Variants in PHC2 observed in about 807,000 individuals in gnomAD.
PHC2 encodes polyhomeotic-like protein 2.
A neutral mutation model predicts 87.4 loss-of-function variants in PHC2; 29 were observed. The observed-to-expected ratio is 0.33, with a 90% CI of 0.25 to 0.45. The LOEUF (loss-of-function observed/expected upper bound fraction) is 0.45, where lower values mean the gene tolerates loss of function less well. Among genes scored for constraint, PHC2 ranks in the 20% least tolerant of loss-of-function variants. The probability of loss-of-function intolerance (pLI) is 1.00; values close to 1 mark genes in which losing one functional copy is unlikely to be tolerated. For synonymous variants in PHC2, 438 were observed against 461.7 expected (o/e 0.95, Z 0.66); for missense variants, 857 against 1,136.7 (o/e 0.75, Z 3.54).
Position 33,329,125 on chromosome 1 carries a change from A to G in PHC2, c.2170T>C (p.Ser724Pro). The G allele has an allele frequency of 6.2e-7, 1 of 1,614,006 alleles. No homozygotes were observed. Among genetic ancestry groups the G allele is most frequent in the East Asian group, 2.2e-5 (1 of 44,882 alleles). ...GTTAGCTGCAAAGCAGCAGTAACCG[A>G]AAGGGGCACAGTGCCTGTTGGCTGG... is the stretch of plus-strand genomic sequence containing the variant. ...KKQPTGTVPLSVTAALQLTHS... is the reference protein window; with the variant it reads ...KKQPTGTVPLPVTAALQLTHS... Residue 724 changes from serine to proline, a missense_variant, in exon 14 of 15, where the codon TCG (serine) becomes CCG (proline). Ser to Pro is a moderately conservative substitution (Grantham distance 74, BLOSUM62 -1). Transcript: ENST00000683057.
At chr1:33,343,647 T>C (rs967910708) in intron 9 of PHC2, among the ~76,000 whole-genome samples, 2 of 152,172 alleles carry the variant, frequency 1.3e-5, no homozygotes, top group African/African-American at 4.8e-5. Context: ...TAGGCTGAGC[T>C]TGGACACAGG....
At chr1:33,348,234 A>C (rs1391650659) in intron 9 of PHC2, among the ~76,000 whole-genome samples, 1 of 152,114 alleles carries the variant, frequency 6.6e-6, no homozygotes, top group Non-Finnish European at 1.5e-5. Context: ...CCTAAATCCT[A>C]ATCAATAGGG....
chr1:33,417,208 A>G (rs1650248626), intron 1 of PHC2, among the ~76,000 whole-genome samples: 1 of 151,498 alleles, frequency 6.6e-6, no homozygotes, highest in South Asian at 2.1e-4. Context: ...AAATGAGGCC[A>G]AAAAAAAGAG....
intron 1 of PHC2, among the ~76,000 whole-genome samples, chr1:33,428,939 T>C (rs1445588447): frequency 1.3e-5 from 2 of 152,194 alleles, no homozygotes; most frequent in Non-Finnish European, 2.9e-5. Context: ...CCTGGACTAC[T>C]TGCCCTGACC....
chr1:33,355,316 A>G (rs1647051397), intron 7 of PHC2, 63 bp from the exon 8 acceptor site: 2 of 1,413,476 alleles, frequency 1.4e-6, no homozygotes, highest in African/African-American at 2.9e-5. Flanking sequence ...GTGTCTTCCA[A>G]CTCTGCCCCT....
At chr1:33,376,349 G>A (rs985635594) in intron 1 of PHC2, among the ~76,000 whole-genome samples, 1 of 152,188 alleles carries the variant, frequency 6.6e-6, no homozygotes, top group African/African-American at 2.4e-5. Context: ...GGGAACTGAG[G>A]TCTTAAGACA....
At chr1:33,427,872 A>G (rs1477767863) in intron 1 of PHC2, among the ~76,000 whole-genome samples, 2 of 152,196 alleles carry the variant, frequency 1.3e-5, no homozygotes, top group Non-Finnish European at 2.9e-5. Flanking sequence ...TTTCTACCAT[A>G]CGGACTCCAT....
chr1:33,427,566 A>G (rs1040750912), intron 1 of PHC2, among the ~76,000 whole-genome samples: 13 of 151,928 alleles, frequency 8.6e-5, no homozygotes, highest in African/African-American at 3.1e-4. Flanking sequence ...GGCTTTTCAT[A>G]TCCCCATGGC....
chr1:33,356,438 G>A lies in PHC2; in HGVS notation c.977-1185C>T, dbSNP rs966043153. ...GGTTTTCCTAGGCAGAGGACCCTGC[G>A]GCCTTCCGCAGTGTTTGTGTCCCTG... On this transcript the variant is annotated intron_variant, in intron 7 of 14. Transcript: ENST00000683057. 9.3e-5 allele frequency among the ~76,000 whole-genome samples: 14 copies of A among 151,050 alleles called. No individual in the cohort carries two copies. In the East Asian group the frequency reaches 1.4e-3, roughly 15 times the overall value.
At chr1:33,394,949 ACATT>A (rs1649234674) in intron 1 of PHC2, among the ~76,000 whole-genome samples, 1 of 152,158 alleles carries the variant, frequency 6.6e-6, no homozygotes, top group African/African-American at 2.4e-5. Flanking sequence ...ATAAAACTAA[ACATT>A]CATCTACCCT....
Position 33,334,633 on chromosome 1 carries a change from AC to A in PHC2, c.1559-342del, listed in dbSNP as rs1646584810. Among the ~76,000 whole-genome samples the A allele has an allele frequency of 1.3e-5, 2 of 152,238 alleles. No homozygotes were observed. Among genetic ancestry groups the A allele is most frequent in the African/African-American group, 4.8e-5 (2 of 41,456 alleles). The stretch of plus-strand genomic sequence containing the variant: ...AAGACCTTGGTCGATACTGATTTGA[AC>A]AAATAAGGTTAATACTCAGTTTGAG... On this transcript the variant is annotated intron_variant, in intron 9 of 14. Coordinates refer to ENST00000683057, the MANE Select transcript of PHC2 (RefSeq NM_001385109.1). This position sits in a 1 kb window ranked among gnomAD's most constrained non-coding sequence, Gnocchi z 5.5.
chr1:33,363,495 C>G (rs1395483937), intron 7 of PHC2, among the ~76,000 whole-genome samples: 1 of 152,180 alleles, frequency 6.6e-6, no homozygotes, highest in Non-Finnish European at 1.5e-5. Context: ...ATTGTCCAGC[C>G]TATCACAGAC....
chr1:33,422,884 A>G (rs1370284644), intron 1 of PHC2, among the ~76,000 whole-genome samples: 19 of 152,016 alleles, frequency 1.2e-4, no homozygotes. Context: ...CTTCCTTCAA[A>G]TATCAATTCT....
In PHC2 at chr1:33,367,313, T is replaced by C. The variant is rs141924903; in HGVS notation, c.779A>G (p.Gln260Arg). ...GCTCTGTGCTGGGGTAGGCAGAGGCTGGCTACCGCCCGGCGTGGGTTTCAG... is the reference window on the plus strand; with the variant it reads ...GCTCTGTGCTGGGGTAGGCAGAGGCCGGCTACCGCCCGGCGTGGGTTTCAG... Reference protein sequence around the residue: ...LALKPTPGGSQPLPTPAQSRN... With the variant: ...LALKPTPGGSRPLPTPAQSRN... Residue 260 changes from glutamine to arginine, a missense_variant, in exon 7 of 15, where the codon CAG becomes CGG. Around this residue, in one of 3 missense-constraint regions of PHC2, gnomAD observed 832 missense variants for 1,081.8 expected, o/e 0.77. Transcript: ENST00000683057. The C allele has an allele frequency of 6.2e-7, 1 of 1,613,700 alleles. No homozygotes were observed. The highest frequency in any genetic ancestry group is 8.5e-7 in the Non-Finnish European group (1 of 1,179,804).
At chr1:33,378,333 A>G (rs1291922175) in intron 1 of PHC2, among the ~76,000 whole-genome samples, 1 of 152,236 alleles carries the variant, frequency 6.6e-6, no homozygotes, top group African/African-American at 2.4e-5. Flanking sequence ...TGCAATTGAA[A>G]TTATAAGGAT....
At chr1:33,390,844 A>G (rs2148361024) in intron 1 of PHC2, among the ~76,000 whole-genome samples, 1 of 152,264 alleles carries the variant, frequency 6.6e-6, no homozygotes, top group East Asian at 1.9e-4. Flanking sequence ...TACATAAACA[A>G]GTTGTGACCT....
intron 9 of PHC2, among the ~76,000 whole-genome samples, chr1:33,342,737 G>A (rs546649772): frequency 2.6e-5 from 4 of 152,326 alleles, no homozygotes; most frequent in African/African-American, 9.6e-5. Flanking sequence ...TTTTCAAAGA[G>A]TTCTACTTAA....
intron 9 of PHC2, among the ~76,000 whole-genome samples, chr1:33,351,158 G>A (rs1018053028): frequency 1.3e-5 from 2 of 152,182 alleles, no homozygotes; most frequent in Admixed American, 6.5e-5. Flanking sequence ...TGCTGTTGCC[G>A]CAGGAAAGCA....
At chr1:33,423,620 A>C (rs1650543488) in intron 1 of PHC2, among the ~76,000 whole-genome samples, 1 of 152,246 alleles carries the variant, frequency 6.6e-6, no homozygotes, top group African/African-American at 2.4e-5. Context: ...CTTTTTGTAC[A>C]GAAGCAGAAT....
Sources: gnomAD v4.1 joint callset for allele counts (sites outside exome capture counted in the v4.1 genomes callset) on GRCh38, gnomAD v4.1.1 for gene constraint, gnomAD v4.1.1 regional missense constraint, Gnocchi (gnomAD v3.1) non-coding constraint, MANE v1.5 for transcripts, NCBI Gene and HGNC (gene_info 2026-07-23, HGNC 2026-07-21) for gene names.